Variants in IMMP2L observed in about 807,000 individuals in gnomAD.
IMMP2L encodes the protein inner mitochondrial membrane peptidase subunit 2.
A neutral mutation model predicts 19.3 loss-of-function variants in IMMP2L; 18 were observed. That is an observed-to-expected ratio of 0.93 (90% CI 0.64 to 1.38). The LOEUF (loss-of-function observed/expected upper bound fraction) is 1.38, where lower values mean the gene tolerates loss of function less well. Among genes scored for constraint, IMMP2L ranks in the 40% most tolerant of loss-of-function variants. IMMP2L has a pLI of 0.00. For synonymous variants in IMMP2L, 76 were observed against 73.0 expected, an observed-to-expected ratio of 1.04 and a Z score of -0.21; for missense variants, 233 against 218.2, an observed-to-expected ratio of 1.07 and a Z score of -0.43.
intron 4 of IMMP2L, chr7:110,962,359 CTTATG>C (rs1173774135): frequency 1.3e-5 from 2 of 151,792 alleles, no homozygotes; most frequent in Admixed American, 6.6e-5. Context: ...ATAATAAACC[CTTATG>C]TTAACAAAAA....
chr7:111,551,739 G>C (rs1305357742), intron 1 of IMMP2L, among the ~76,000 whole-genome samples: 2 of 152,022 alleles, frequency 1.3e-5, no homozygotes, highest in African/African-American at 4.8e-5. Flanking sequence ...TGAAGTTTCA[G>C]GGAAGCACAA....
At chr7:110,923,242 G>A (rs1814496669) in intron 4 of IMMP2L, among the ~76,000 whole-genome samples, 1 of 152,132 alleles carries the variant, frequency 6.6e-6, no homozygotes, top group Non-Finnish European at 1.5e-5. Context: ...CTTAAGAAAA[G>A]TAACTCTTAT....
intron 5 of IMMP2L, among the ~76,000 whole-genome samples, chr7:110,816,451 G>C (rs1196888787): frequency 6.8e-6 from 1 of 146,406 alleles, no homozygotes; most frequent in Non-Finnish European, 1.6e-5. Context: ...TGTTGATTTG[G>C]GGTGGAGAGT....
intron 5 of IMMP2L, among the ~76,000 whole-genome samples, chr7:110,851,434 A>G (rs1008528302): frequency 2.0e-5 from 3 of 152,178 alleles, no homozygotes; most frequent in African/African-American, 7.2e-5. Context: ...GACAGGAGAC[A>G]GCAGATAAAT....
chr7:110,903,793 A>C (rs1812166135), intron 4 of IMMP2L, among the ~76,000 whole-genome samples: 1 of 151,218 alleles, frequency 6.6e-6, no homozygotes, highest in Non-Finnish European at 1.5e-5. Flanking sequence ...TTTTTGTAGG[A>C]ACCTCCATAC....
Position 111,080,007 on chromosome 7 carries a change from T to TC in IMMP2L, c.240-116443dup, listed in dbSNP as rs1267335972. ...GCCCCTTACCTTGAACTTCGCAGCC[T>TC]CCAGAACTACAAAAAAAAAAATGTC... On this transcript the variant is annotated intron_variant, in intron 3 of 5. Coordinates refer to ENST00000405709, the MANE Select transcript of IMMP2L (RefSeq NM_032549.4). 1.5e-4 allele frequency among the ~76,000 whole-genome samples: 16 copies of TC among 109,432 alleles called. No individual in the cohort carries two copies. In the Admixed American group the frequency reaches 1.8e-3, roughly 12 times the overall value. 71.8% of individuals were successfully genotyped at this position (109,432 alleles called of 152,430 possible).
At chr7:111,152,018 C>T (rs1452407005) in intron 3 of IMMP2L, among the ~76,000 whole-genome samples, 1 of 152,028 alleles carries the variant, frequency 6.6e-6, no homozygotes, top group Non-Finnish European at 1.5e-5. Context: ...AGTATAATAA[C>T]TCTGTATGAA....
At chr7:110,861,735 T>C (rs1405009200) in intron 5 of IMMP2L, among the ~76,000 whole-genome samples, 1 of 149,656 alleles carries the variant, frequency 6.7e-6, no homozygotes, top group African/African-American at 2.6e-5. Flanking sequence ...TTAATGACCA[T>C]AGGCCAGAAA....
intron 3 of IMMP2L, among the ~76,000 whole-genome samples, chr7:111,431,312 C>G (rs916966626): frequency 8.6e-5 from 13 of 151,884 alleles, no homozygotes; most frequent in African/African-American, 3.2e-4. Context: ...TTCGGACTTT[C>G]CCAGTATTTC....
At chr7:110,721,110 C>T (rs1280345204) in intron 5 of IMMP2L, among the ~76,000 whole-genome samples, 1 of 151,648 alleles carries the variant, frequency 6.6e-6, no homozygotes, top group Non-Finnish European at 1.5e-5. Flanking sequence ...CCATCCTACA[C>T]CCATCCTACA....
intron 5 of IMMP2L, among the ~76,000 whole-genome samples, chr7:110,684,134 C>T (rs1197018620): frequency 6.6e-6 from 1 of 152,062 alleles, no homozygotes; most frequent in Non-Finnish European, 1.5e-5. Flanking sequence ...TCAAATATAA[C>T]ATAGTAGCAA....
intron 3 of IMMP2L, among the ~76,000 whole-genome samples, chr7:111,030,927 A>AT (rs1790744523): frequency 7.3e-6 from 1 of 137,786 alleles, no homozygotes; most frequent in Non-Finnish European, 1.6e-5. Flanking sequence ...TATATATATA[A>AT]AATATATATA....
intron 1 of IMMP2L, among the ~76,000 whole-genome samples, chr7:111,533,758 A>T (rs1456311974): frequency 2.0e-5 from 3 of 152,116 alleles, no homozygotes; most frequent in African/African-American, 7.2e-5. Context: ...AAATAACAAG[A>T]GAAAATAAAG....
At chr7:110,962,507 A>G (rs76620706) in intron 4 of IMMP2L, 2,454 of 153,618 alleles carry the variant, frequency 0.016, 64 homozygotes, top group African/African-American at 0.056. Context: ...CTGGATTCTC[A>G]TATCTGCTCC....
At chr7:111,202,553 C>T (rs1810258380) in intron 3 of IMMP2L, among the ~76,000 whole-genome samples, 1 of 152,170 alleles carries the variant, frequency 6.6e-6, no homozygotes, top group Non-Finnish European at 1.5e-5. Flanking sequence ...AGTGCCTCCA[C>T]TTTGTTCTAG....
intron 4 of IMMP2L, among the ~76,000 whole-genome samples, chr7:110,953,356 C>A (rs1818028457): frequency 6.6e-6 from 1 of 151,614 alleles, no homozygotes; most frequent in Admixed American, 6.6e-5. Context: ...GTGATGTTCC[C>A]CTCCCCTGTA....
chr7:111,012,832 AT>A (rs2129563949), intron 3 of IMMP2L, among the ~76,000 whole-genome samples: 1 of 152,228 alleles, frequency 6.6e-6, no homozygotes, highest in East Asian at 1.9e-4. Flanking sequence ...ACTGTATCTT[AT>A]TTTTTCAGAA....
At chr7:111,073,744 C>T (rs1795154779) in intron 3 of IMMP2L, among the ~76,000 whole-genome samples, 1 of 152,180 alleles carries the variant, frequency 6.6e-6, no homozygotes, top group Admixed American at 6.5e-5. Context: ...ATAGAGATCA[C>T]CCTTAAATGT....
intron 3 of IMMP2L, among the ~76,000 whole-genome samples, chr7:111,174,248 G>A (rs1250816264): frequency 6.6e-6 from 1 of 151,532 alleles, no homozygotes; most frequent in African/African-American, 2.4e-5. Flanking sequence ...CTTTAACATA[G>A]TTAATCTCAA....
Sources: allele counts gnomAD v4.1 joint callset (sites outside exome capture counted in the v4.1 genomes callset), GRCh38; gene constraint gnomAD v4.1.1; transcripts MANE v1.5; gene names NCBI Gene and HGNC (gene_info 2026-07-23, HGNC 2026-07-21).